Variants in GRIN2B observed in about 807,000 individuals in gnomAD.
The protein encoded by GRIN2B is glutamate ionotropic receptor NMDA type subunit 2B, also known as glutamate receptor ionotropic, NMDA 2B.
GRIN2B carries 5 observed loss-of-function variants against 114.5 expected under a neutral mutation model. That is an observed-to-expected ratio of 0.04 (90% CI 0.02 to 0.09). The LOEUF is 0.09. GRIN2B is among the 10% of genes least tolerant of loss of function. The pLI, the probability that GRIN2B is intolerant of heterozygous loss-of-function variation, is 1.00. For missense variants in GRIN2B, 1,108 were observed against 1,943.5 expected (o/e 0.57, Z 8.08); for synonymous variants, 787 against 745.1 (o/e 1.06, Z -0.92).
intron 10 of GRIN2B, among the ~76,000 whole-genome samples, chr12:13,586,014 TTA>T (rs1265266713): frequency 6.6e-6 from 1 of 152,226 alleles, no homozygotes; most frequent in East Asian, 1.9e-4. Flanking sequence ...AACATAATTA[TTA>T]TAAGGTGACT....
At chr12:13,943,214 T>C (rs1368955266) in intron 2 of GRIN2B, among the ~76,000 whole-genome samples, 1 of 152,162 alleles carries the variant, frequency 6.6e-6, no homozygotes, top group Non-Finnish European at 1.5e-5. Flanking sequence ...GTGGATCTTC[T>C]TATTACTCCA....
At chr12:13,857,187 AG>A (rs1490986094) in intron 3 of GRIN2B, among the ~76,000 whole-genome samples, 1 of 152,190 alleles carries the variant, frequency 6.6e-6, no homozygotes, top group Non-Finnish European at 1.5e-5. Flanking sequence ...AGGGAGAATG[AG>A]CATCAAGGAA....
intron 3 of GRIN2B, among the ~76,000 whole-genome samples, chr12:13,755,336 A>G (rs1024688641): frequency 1.3e-5 from 2 of 152,222 alleles, no homozygotes; most frequent in Admixed American, 6.5e-5. Flanking sequence ...TGATTCGGCA[A>G]TGAGAGCTGC....
intron 2 of GRIN2B, among the ~76,000 whole-genome samples, chr12:13,939,355 A>G (rs1395961208): frequency 6.6e-6 from 1 of 151,970 alleles, no homozygotes; most frequent in Non-Finnish European, 1.5e-5. Flanking sequence ...GCCTTTCCCC[A>G]GGTAATGAGT....
chr12:13,909,494 A>G (rs1481287511), intron 2 of GRIN2B, among the ~76,000 whole-genome samples: 1 of 152,244 alleles, frequency 6.6e-6, no homozygotes, highest in Non-Finnish European at 1.5e-5. Flanking sequence ...TCTTAAATCC[A>G]GTGAAACTTT....
In GRIN2B at chr12:13,608,663, T is replaced by C; in HGVS notation, c.1950A>G (p.Leu650=). 3.7e-6 allele frequency: 6 copies of C among 1,614,116 alleles called. No homozygotes were observed. The highest frequency in any genetic ancestry group is 5.1e-6 in the Non-Finnish European group (6 of 1,180,008). Residue 650 remains leucine (L), a synonymous_variant, in exon 10 of 14, where the codon TTA becomes TTG. Coordinates refer to ENST00000609686, the MANE Select transcript of GRIN2B (RefSeq NM_000834.5). ...ATTCCTCTTGGATCATGAAGGCAGC[T>C]AAGTTGGCAGTGTAGCTGGCCAGGA... The part of the protein sequence containing the change: ...VIFLASYTAN[L]AAFMIQEEYV...
At chr12:13,570,054 AT>A in intron 11 of GRIN2B, 37 bp from the exon 12 acceptor site, 1 of 1,440,720 alleles carries the variant, frequency 6.9e-7, no homozygotes, top group African/African-American at 1.4e-5. Flanking sequence ...CAATGGAGGA[AT>A]TTTAGAACAA....
intron 5 of GRIN2B, among the ~76,000 whole-genome samples, chr12:13,625,025 C>T (rs1056953551): frequency 3.3e-5 from 5 of 152,112 alleles, no homozygotes; most frequent in African/African-American, 1.2e-4. Flanking sequence ...GATAACACCA[C>T]GGGTGGAGAT....
chr12:13,715,607 T>G (rs976857210), intron 4 of GRIN2B, among the ~76,000 whole-genome samples: 2 of 151,828 alleles, frequency 1.3e-5, no homozygotes, highest in African/African-American at 4.8e-5. Flanking sequence ...GAACTATATC[T>G]CTCTACTTTT....
chr12:13,913,174 T>C (rs1866653407), intron 2 of GRIN2B, among the ~76,000 whole-genome samples: 1 of 152,198 alleles, frequency 6.6e-6, no homozygotes. Context: ...TTTAGTACTG[T>C]TGGAGCCACG....
intron 3 of GRIN2B, among the ~76,000 whole-genome samples, chr12:13,856,496 T>A (rs993654563): frequency 6.6e-6 from 1 of 152,026 alleles, no homozygotes; most frequent in Non-Finnish European, 1.5e-5. Context: ...AGGGGACAAA[T>A]TGGAGCTACC....
At position 13,859,759 on chromosome 12, in the gene GRIN2B, A is replaced by G. The variant is rs903052489; in HGVS notation, c.411+6039T>C. Reference sequence around the variant, plus strand: ...TGATTTAGTTTCCCCATCAAGAAAGAAGAAATACTACTACTTCCCTCATGG... The same window carrying G: ...TGATTTAGTTTCCCCATCAAGAAAGGAGAAATACTACTACTTCCCTCATGG... On this transcript the variant is annotated intron_variant, in intron 3 of 13. Transcript: ENST00000609686. Among the ~76,000 whole-genome samples the G allele has an allele frequency of 5.3e-5, 8 of 152,362 alleles. No homozygotes were observed. The East Asian group carries it at 5.8e-4, about 11-fold the overall frequency.
At chr12:13,851,084 C>A (rs1169762936) in intron 3 of GRIN2B, among the ~76,000 whole-genome samples, 1 of 152,074 alleles carries the variant, frequency 6.6e-6, no homozygotes, top group Non-Finnish European at 1.5e-5. Flanking sequence ...CCAAATTTGG[C>A]CCACCCCACT....
At chr12:13,909,641 T>C (rs536636333) in intron 2 of GRIN2B, among the ~76,000 whole-genome samples, 1 of 152,288 alleles carries the variant, frequency 6.6e-6, no homozygotes, top group Non-Finnish European at 1.5e-5. Context: ...CGGCTGACAC[T>C]TCACTTGTCC....
chr12:13,681,937 A>G (rs1950134912), intron 4 of GRIN2B, among the ~76,000 whole-genome samples: 1 of 152,156 alleles, frequency 6.6e-6, no homozygotes, highest in African/African-American at 2.4e-5. Context: ...AGAAATTATG[A>G]TTATTTATAC....
chr12:13,575,656 C>T (rs1052788487), intron 10 of GRIN2B, among the ~76,000 whole-genome samples: 16 of 137,856 alleles, frequency 1.2e-4, no homozygotes, highest in Admixed American at 2.1e-4. Flanking sequence ...AAGACCCTGT[C>T]TCCAAAATGA....
At chr12:13,904,963 T>C (rs1866513583) in intron 2 of GRIN2B, among the ~76,000 whole-genome samples, 1 of 152,172 alleles carries the variant, frequency 6.6e-6, no homozygotes, top group Non-Finnish European at 1.5e-5. Flanking sequence ...TTTATTTATG[T>C]TTCTTAGTGC....
intron 6 of GRIN2B, among the ~76,000 whole-genome samples, chr12:13,616,067 C>T (rs1351170964): frequency 6.6e-6 from 1 of 152,148 alleles, no homozygotes; most frequent in Non-Finnish European, 1.5e-5. Flanking sequence ...GAACCATTAT[C>T]CTGACTTTTA....
chr12:13,564,347 C>G lies in GRIN2B; in HGVS notation c.2891G>C (p.Ser964Thr). The change falls in exon 14 of 14, where the codon AGT becomes ACT. Residue 964 changes from serine (S) to threonine (T), a missense_variant. Physicochemically the swap from Ser to Thr is moderately conservative, Grantham distance 58. Around this residue, in one of 19 missense-constraint regions of GRIN2B, gnomAD observed 140 missense variants for 187.5 expected, o/e 0.75. Coordinates refer to ENST00000609686, the MANE Select transcript of GRIN2B (RefSeq NM_000834.5). This position sits in a 1 kb window ranked among gnomAD's most constrained non-coding sequence, Gnocchi z 4.8. ...CEENLFSDYI[S>T]EVERTFGNLQ... ...GTTCCCGAACGTTCTCTCTACCTCA[C>G]TGATGTAGTCACTGAAGAGGTTCTC... The G allele has an allele frequency of 6.2e-7, 1 of 1,614,166 alleles. No homozygotes were observed. The highest frequency in any genetic ancestry group is 8.5e-7 in the Non-Finnish European group (1 of 1,179,996).
Sources: allele counts gnomAD v4.1 joint callset (sites outside exome capture counted in the v4.1 genomes callset), GRCh38; gene constraint gnomAD v4.1.1; regional missense constraint gnomAD v4.1.1; non-coding constraint Gnocchi (gnomAD v3.1); transcripts MANE v1.5; gene names NCBI Gene and HGNC (gene_info 2026-07-23, HGNC 2026-07-21).